Variants in TRIM62 observed in about 807,000 individuals in gnomAD.
TRIM62 encodes tripartite motif containing 62.
A neutral mutation model predicts 44.2 loss-of-function variants in TRIM62; 39 were observed. The ratio of observed to expected loss-of-function variants is 0.88; its 90% CI spans 0.68 to 1.15. The LOEUF (loss-of-function observed/expected upper bound fraction) is 1.15, where lower values mean the gene tolerates loss of function less well. TRIM62 is among the 50% of genes most tolerant of loss of function. The pLI is 0.00. For synonymous variants in TRIM62, 278 were observed against 292.3 expected (o/e 0.95, Z 0.50); for missense variants, 544 against 665.5 (o/e 0.82, Z 2.01).
rs935479536 is a variant in TRIM62 at position 33,161,508 on chromosome 1, C to T, written c.505-1564G>A. Among the ~76,000 whole-genome samples, 2 of 152,158 alleles carry T rather than the reference C, an allele frequency of 1.3e-5. No homozygotes were observed. Among genetic ancestry groups the T allele is most frequent in the African/African-American group, 2.4e-5 (1 of 41,438 alleles). On this transcript the variant is annotated intron_variant, in intron 2 of 4. Coordinates refer to ENST00000291416, the MANE Select transcript of TRIM62 (RefSeq NM_018207.3). The surrounding 1 kb of genome is among the most constrained non-coding windows in gnomAD (Gnocchi z 4.3). ...ATTAGGGCCTGTTCCCTCCCCGACGCGCGGCTGCTGGCCTGCAGGAAGAAC... is the reference window on the plus strand; with the variant it reads ...ATTAGGGCCTGTTCCCTCCCCGACGTGCGGCTGCTGGCCTGCAGGAAGAAC...
Position 33,159,966 on chromosome 1 carries a change from G to A in TRIM62, c.505-22C>T. The A allele has an allele frequency of 6.3e-7, 1 of 1,591,972 alleles. No homozygotes were observed. The highest frequency in any genetic ancestry group is 1.1e-5 in the South Asian group (1 of 90,868). On this transcript the variant is annotated intron_variant, in intron 2 of 4. Coordinates refer to ENST00000291416, the MANE Select transcript of TRIM62 (RefSeq NM_018207.3). This position sits in a 1 kb window ranked among gnomAD's most constrained non-coding sequence, Gnocchi z 4.2. ...AAGACTGTGGGGGACAGTCGTCAGG[G>A]GTTATGGCTGGGGGAGCAGATGGGG...
At chr1:33,179,365 C>T (rs960516035) in intron 1 of TRIM62, among the ~76,000 whole-genome samples, 1 of 152,140 alleles carries the variant, frequency 6.6e-6, no homozygotes, top group Non-Finnish European at 1.5e-5. Context: ...GAACATGGGC[C>T]ATTTCTCCTG....
chr1:33,157,554 A>G (rs12087726), intron 4 of TRIM62, among the ~76,000 whole-genome samples: 2,467 of 151,816 alleles, frequency 0.016, 81 homozygotes, highest in African/African-American at 0.056. Context: ...TCTACTTTCT[A>G]TCTCACACCC....
At chr1:33,160,050 G>A in intron 2 of TRIM62, 106 bp from the exon 3 acceptor site, 1 of 1,441,954 alleles carries the variant, frequency 6.9e-7, no homozygotes, top group Non-Finnish European at 9.4e-7. Context: ...GAAAGGGTGG[G>A]AAAGGGCACG....
intron 1 of TRIM62, among the ~76,000 whole-genome samples, chr1:33,168,024 G>C (rs1038906226): frequency 9.9e-5 from 15 of 152,152 alleles, no homozygotes; most frequent in Admixed American, 5.9e-4. Context: ...ATAAAGGAGC[G>C]AGGTTACCAA....
At chr1:33,154,986 G>A (rs1645156729) in intron 4 of TRIM62, among the ~76,000 whole-genome samples, 1 of 149,736 alleles carries the variant, frequency 6.7e-6, no homozygotes, top group South Asian at 2.1e-4. Context: ...CCAGCTACTC[G>A]GGAGGCTGAG....
Position 33,177,137 on chromosome 1 carries a change from G to A in TRIM62, c.408+3888C>T, listed in dbSNP as rs112616994. On this transcript the variant is annotated intron_variant, in intron 1 of 4. Coordinates refer to ENST00000291416, the MANE Select transcript of TRIM62 (RefSeq NM_018207.3). This position sits in a 1 kb window ranked among gnomAD's most constrained non-coding sequence, Gnocchi z 4.1. ...CATGCATGTACGCATGCACACACAC[G>A]CACATGCACACCCACAGGTTACATA... Among the ~76,000 whole-genome samples, 127 of 151,774 alleles carry A rather than the reference G, an allele frequency of 8.4e-4. 1 individual carries two copies. The highest frequency in any genetic ancestry group is 2.6e-3 in the African/African-American group (108 of 41,370).
chr1:33,175,659 T>C (rs1169251024), intron 1 of TRIM62, among the ~76,000 whole-genome samples: 1 of 152,218 alleles, frequency 6.6e-6, no homozygotes, highest in Non-Finnish European at 1.5e-5. Context: ...CTCTTCCTCC[T>C]ACTTGCAGTG....
At chr1:33,179,622 T>C (rs1004785546) in intron 1 of TRIM62, among the ~76,000 whole-genome samples, 1 of 152,200 alleles carries the variant, frequency 6.6e-6, no homozygotes, top group Non-Finnish European at 1.5e-5. Flanking sequence ...CTTTCGTTCA[T>C]TCATTTGGCC....
rs768491697 is a variant in TRIM62 at position 33,165,512 on chromosome 1, C to T, written c.463G>A (p.Glu155Lys). The T allele has an allele frequency of 4.3e-6, 7 of 1,610,414 alleles. No individual in the cohort carries two copies. The highest frequency in any genetic ancestry group is 2.2e-5 in the East Asian group (1 of 44,764). Reference sequence around the variant, plus strand: ...TGTCGCTTGAGCAGCTGCAGCGCTTCGGTGTGTTCCCGCTCGCTGTCTTGA... The same window carrying T: ...TGTCGCTTGAGCAGCTGCAGCGCTTTGGTGTGTTCCCGCTCGCTGTCTTGA... Reference protein sequence around the residue: ...ALQDSEREHTEALQLLKRQLA... With the variant: ...ALQDSEREHTKALQLLKRQLA... Residue 155 changes from glutamate (E) to lysine (K), a missense_variant, in exon 2 of 5, where the codon GAA (glutamate) becomes AAA (lysine). Physicochemically the swap from Glu to Lys is moderately conservative, Grantham distance 56. Coordinates refer to ENST00000291416, the MANE Select transcript of TRIM62 (RefSeq NM_018207.3). The surrounding 1 kb of genome is among the most constrained non-coding windows in gnomAD (Gnocchi z 4.0).
chr1:33,164,140 G>A (rs1473092763), intron 2 of TRIM62: 1 of 152,300 alleles, frequency 6.6e-6, no homozygotes, highest in African/African-American at 2.4e-5. Flanking sequence ...CCAGCATCCT[G>A]TGACTGTTTA....
In TRIM62 at chr1:33,158,234, A is replaced by C. The variant is rs371711967; in HGVS notation, c.877+19T>G. ...GACATGCCCCACCTAGCTCTGGACCATGATAACCCATGCCTTACCTGGGTG... is the reference window on the plus strand; with the variant it reads ...GACATGCCCCACCTAGCTCTGGACCCTGATAACCCATGCCTTACCTGGGTG... On this transcript the variant is annotated intron_variant, in intron 4 of 4. Transcript: ENST00000291416. The C allele has an allele frequency of 3.1e-6, 5 of 1,609,986 alleles. No individual in the cohort carries two copies. The highest frequency in any genetic ancestry group is 4.2e-6 in the Non-Finnish European group (5 of 1,176,480).
chr1:33,181,729 G>A lies in TRIM62; in HGVS notation c.-297C>T, dbSNP rs1014307370. ...GCGGCTGAGGGACGGAGATCCTGAC[G>A]GGGAGGTTCTAGGGGGCGGGGCAGT... On this transcript the variant is annotated 5_prime_UTR_variant, in exon 1 of 5. Transcript: ENST00000291416. The surrounding 1 kb of genome is among the most constrained non-coding windows in gnomAD (Gnocchi z 6.5). 8.9e-6 allele frequency: 4 copies of A among 447,098 alleles called. No homozygotes were observed. Among genetic ancestry groups the A allele is most frequent in the Non-Finnish European group, 1.6e-5 (4 of 251,218 alleles). 27.7% of individuals were successfully genotyped at this position (447,098 alleles called of 1,614,324 possible).
intron 4 of TRIM62, among the ~76,000 whole-genome samples, chr1:33,157,867 C>T (rs1231658076): frequency 6.6e-6 from 1 of 152,098 alleles, no homozygotes; most frequent in Admixed American, 6.5e-5. Flanking sequence ...AGCAATTCTC[C>T]TGCCTCAGCC....
intron 4 of TRIM62, among the ~76,000 whole-genome samples, chr1:33,149,110 G>T (rs140286684): frequency 0.011 from 1,658 of 152,276 alleles, 25 homozygotes; most frequent in African/African-American, 0.037. Context: ...TCACCCAGCA[G>T]ATGTGCTCGT....
In TRIM62 at chr1:33,167,229, T is replaced by G. The variant is rs939600246; in HGVS notation, c.409-1663A>C. Among the ~76,000 whole-genome samples, 3 of 152,224 alleles carry G rather than the reference T, an allele frequency of 2.0e-5. No individual in the cohort carries two copies. The highest frequency in any genetic ancestry group is 1.3e-4 in the Admixed American group (2 of 15,284). ...ACCTCCTCATACCCTGTCACACATCTGGATTCACGGTCTTCCTTGCGCCTT... is the reference window on the plus strand; with the variant it reads ...ACCTCCTCATACCCTGTCACACATCGGGATTCACGGTCTTCCTTGCGCCTT... On this transcript the variant is annotated intron_variant, in intron 1 of 4. Coordinates refer to ENST00000291416, the MANE Select transcript of TRIM62 (RefSeq NM_018207.3). The surrounding 1 kb of genome is among the most constrained non-coding windows in gnomAD (Gnocchi z 4.2).
Position 33,165,384 on chromosome 1 carries a change from C to A in TRIM62, c.504+87G>T. The A allele has an allele frequency of 7.9e-7, 1 of 1,265,148 alleles. No homozygotes were observed. The highest frequency in any genetic ancestry group is 1.1e-6 in the Non-Finnish European group (1 of 917,260). 78.4% of individuals were successfully genotyped at this position (1,265,148 alleles called of 1,614,324 possible). A position where few individuals can be genotyped will look rare whatever the true frequency, so the allele number is the denominator to read the frequency against. ...CAGGTTTCCACCGCACACCCGAGGC[C>A]CCGCCCCTCTTCCCCAGCTGGCCCC... is the stretch of plus-strand genomic sequence containing the variant. On this transcript the variant is annotated intron_variant, in intron 2 of 4. Coordinates refer to ENST00000291416, the MANE Select transcript of TRIM62 (RefSeq NM_018207.3). This position sits in a 1 kb window ranked among gnomAD's most constrained non-coding sequence, Gnocchi z 4.0.
Position 33,165,582 on chromosome 1 carries a change from GGCCGGGATGGGGGCAGGGGCCAT to G in TRIM62, c.409-39_409-17del. 6.3e-7 allele frequency: 1 copy of G among 1,594,750 alleles called. No individual in the cohort carries two copies. The highest frequency in any genetic ancestry group is 1.7e-5 in the Admixed American group (1 of 58,566). On this transcript the variant is annotated splice_polypyrimidine_tract_variant and intron_variant, in intron 1 of 4. Transcript: ENST00000291416. This position sits in a 1 kb window ranked among gnomAD's most constrained non-coding sequence, Gnocchi z 4.0. ...TCAGCTCCCTCTGAAACACACACAG[GGCCGGGATGGGGGCAGGGGCCAT>G]GCCTGGCCCAGGCATTCAGCCCTGA... is the stretch of plus-strand genomic sequence containing the variant.
rs867802577 is a variant in TRIM62, at chr1:33,161,330, G to A, written c.505-1386C>T. On this transcript the variant is annotated intron_variant, in intron 2 of 4. Transcript: ENST00000291416. This position sits in a 1 kb window ranked among gnomAD's most constrained non-coding sequence, Gnocchi z 4.3. ...ATGAGGAAGGGCTTAACGTCAGGACGACACGGGCTATAGAAGTGCGGCCAG... is the reference window on the plus strand; with the variant it reads ...ATGAGGAAGGGCTTAACGTCAGGACAACACGGGCTATAGAAGTGCGGCCAG... 6.6e-6 allele frequency among the ~76,000 whole-genome samples: 1 copy of A among 152,220 alleles called. No homozygotes were observed. Among genetic ancestry groups the A allele is most frequent in the African/African-American group, 2.4e-5 (1 of 41,454 alleles).
Sources: allele counts gnomAD v4.1 joint callset (sites outside exome capture counted in the v4.1 genomes callset), GRCh38; gene constraint gnomAD v4.1.1; non-coding constraint Gnocchi (gnomAD v3.1); transcripts MANE v1.5; gene names NCBI Gene and HGNC (gene_info 2026-07-23, HGNC 2026-07-21).